The following MAGI1 variants were observed in gnomAD, a reference collection of about 807,000 sequenced individuals.
The protein encoded by MAGI1 is membrane associated guanylate kinase, WW and PDZ domain containing 1, also known as membrane-associated guanylate kinase, WW and PDZ domain-containing protein 1.
A neutral mutation model predicts 139.9 loss-of-function variants in MAGI1; 58 were observed. That is an observed-to-expected ratio of 0.41 (90% CI 0.34 to 0.52). The LOEUF is 0.52. MAGI1 is among the 20% of genes least tolerant of loss of function. The pLI is 0.12. For missense variants in MAGI1, 1,874 were observed against 1,901.6 expected, an observed-to-expected ratio of 0.99 and a Z score of 0.27; for synonymous variants, 812 against 737.9, an observed-to-expected ratio of 1.10 and a Z score of -1.63.
At chr3:65,974,337 G>T (rs796397937) in intron 1 of MAGI1, among the ~76,000 whole-genome samples, 5 of 145,154 alleles carry the variant, frequency 3.4e-5, no homozygotes, top group African/African-American at 1.3e-4. Flanking sequence ...AGGGAAGAAG[G>T]GAGGGAGGGA....
chr3:65,747,697 T>C (rs192260932), intron 1 of MAGI1, among the ~76,000 whole-genome samples: 1 of 152,186 alleles, frequency 6.6e-6, no homozygotes, highest in Admixed American at 6.5e-5. Context: ...TGTCCCACAA[T>C]AATGCAAGAT....
chr3:65,492,984 A>G (rs1443170004), intron 3 of MAGI1, among the ~76,000 whole-genome samples: 2 of 151,076 alleles, frequency 1.3e-5, no homozygotes, highest in Non-Finnish European at 2.9e-5. Context: ...AGGCTGACGC[A>G]GGAGAATGGC....
intron 1 of MAGI1, among the ~76,000 whole-genome samples, chr3:65,968,596 A>AAT (rs974505788): frequency 1.3e-4 from 20 of 150,986 alleles, no homozygotes; most frequent in Admixed American, 4.6e-4. Flanking sequence ...TTCTCTATAT[A>AAT]ATATATATAT....
chr3:65,859,307 G>A (rs985698220), intron 1 of MAGI1, among the ~76,000 whole-genome samples: 2 of 151,656 alleles, frequency 1.3e-5, no homozygotes, highest in Non-Finnish European at 2.9e-5. Context: ...AAAAAAAAGA[G>A]CTAAACTTTA....
chr3:65,506,762 T>C (rs1220321197), intron 2 of MAGI1, among the ~76,000 whole-genome samples: 1 of 152,210 alleles, frequency 6.6e-6, no homozygotes. Flanking sequence ...CAAAGCCTTC[T>C]ATAATTAAAT....
At chr3:65,571,762 C>A (rs2080970603) in intron 2 of MAGI1, among the ~76,000 whole-genome samples, 1 of 151,942 alleles carries the variant, frequency 6.6e-6, no homozygotes, top group Non-Finnish European at 1.5e-5. Flanking sequence ...TGAGAGATGT[C>A]ACTGGCCTCT....
At chr3:65,990,111 G>A (rs4688625) in intron 1 of MAGI1, among the ~76,000 whole-genome samples, 73,506 of 151,910 alleles carry the variant, frequency 0.48, 20,173 homozygotes, top group Admixed American at 0.64. Context: ...GAAATAAAGA[G>A]GAAGTAGCAG....
At chr3:66,009,042 T>C in intron 1 of MAGI1, 1 of 152,434 alleles carries the variant, frequency 6.6e-6, no homozygotes, top group Non-Finnish European at 1.5e-5. Context: ...GTATCAGGCG[T>C]AAGCCGGCCT....
chr3:65,897,047 T>C (rs1287232411), intron 1 of MAGI1, among the ~76,000 whole-genome samples: 1 of 152,156 alleles, frequency 6.6e-6, no homozygotes, highest in African/African-American at 2.4e-5. Flanking sequence ...CATCCTCCTG[T>C]ATAGTTTAAA....
intron 1 of MAGI1, among the ~76,000 whole-genome samples, chr3:65,965,629 G>A (rs1165383482): frequency 6.6e-6 from 1 of 152,026 alleles, no homozygotes; most frequent in African/African-American, 2.4e-5. Context: ...ACTCAAGTGA[G>A]AAGACAAAAT....
chr3:65,715,662 G>C (rs1329144633), intron 1 of MAGI1, among the ~76,000 whole-genome samples: 1 of 152,120 alleles, frequency 6.6e-6, no homozygotes, highest in Non-Finnish European at 1.5e-5. Context: ...GTTTAAAAAA[G>C]AAATCACTTG....
At chr3:65,960,890 TCCTTGTCTATTAAGAA>T (rs1400243758) in intron 1 of MAGI1, among the ~76,000 whole-genome samples, 1 of 152,186 alleles carries the variant, frequency 6.6e-6, no homozygotes, top group African/African-American at 2.4e-5. Context: ...ATAGATTCCT[TCCTTGTCTATTAAGAA>T]GACATCACTC....
At chr3:65,875,755 A>T (rs544921072) in intron 1 of MAGI1, among the ~76,000 whole-genome samples, 3 of 152,342 alleles carry the variant, frequency 2.0e-5, no homozygotes, top group East Asian at 1.9e-4. Flanking sequence ...ATGAAGAAGA[A>T]GATAAAGGAA....
intron 1 of MAGI1, among the ~76,000 whole-genome samples, chr3:65,821,026 C>A (rs572743738): frequency 6.7e-6 from 1 of 148,788 alleles, no homozygotes; most frequent in Non-Finnish European, 1.5e-5. Context: ...CCCCAGGAGC[C>A]GGGGGTCAAA....
intron 1 of MAGI1, chr3:65,872,980 G>C (rs116685905): frequency 6.6e-6 from 1 of 152,262 alleles, no homozygotes; most frequent in East Asian, 1.9e-4. Context: ...TTAATCTGGT[G>C]ATGGTTACAC....
chr3:65,432,242 T>C (rs1375587425), intron 10 of MAGI1, among the ~76,000 whole-genome samples: 3 of 152,108 alleles, frequency 2.0e-5, no homozygotes, highest in Admixed American at 2.0e-4. Flanking sequence ...TCTTCTAACT[T>C]TACTTACTTC....
intron 1 of MAGI1, among the ~76,000 whole-genome samples, chr3:65,634,331 C>T (rs934487211): frequency 7.2e-5 from 11 of 152,206 alleles, no homozygotes; most frequent in African/African-American, 2.7e-4. Flanking sequence ...CTTGTACTTG[C>T]AAAGGTTTTT....
intron 2 of MAGI1, among the ~76,000 whole-genome samples, chr3:65,592,708 G>C (rs529149084): frequency 2.0e-5 from 3 of 152,282 alleles, no homozygotes; most frequent in Non-Finnish European, 2.9e-5. Flanking sequence ...TGGAGAGTTG[G>C]ACTTCAGAAA....
At chr3:65,565,229 T>A (rs1332497372) in intron 2 of MAGI1, among the ~76,000 whole-genome samples, 3 of 152,216 alleles carry the variant, frequency 2.0e-5, no homozygotes, top group Non-Finnish European at 4.4e-5. Flanking sequence ...CTTCAGTATC[T>A]GATGCTGTAG....
Sources: gnomAD v4.1 joint callset for allele counts (sites outside exome capture counted in the v4.1 genomes callset) on GRCh38, gnomAD v4.1.1 for gene constraint, MANE v1.5 for transcripts, NCBI Gene and HGNC (gene_info 2026-07-23, HGNC 2026-07-21) for gene names.